PLCB4: variants seen among roughly 807,000 people sequenced by gnomAD.
The protein encoded by PLCB4 is 1-phosphatidylinositol 4,5-bisphosphate phosphodiesterase beta-4.
In PLCB4, 77 loss-of-function variants were observed where a neutral mutation model predicts 178.8. The observed-to-expected ratio is 0.43, with a 90% CI of 0.36 to 0.52. The LOEUF (loss-of-function observed/expected upper bound fraction) is 0.52, where lower values mean the gene tolerates loss of function less well. Among genes scored for constraint, PLCB4 ranks in the 20% least tolerant of loss-of-function variants. The pLI is 0.00. For missense variants in PLCB4, 1,024 were observed against 1,453.4 expected (o/e 0.70, Z 4.80); for synonymous variants, 496 against 490.8 (o/e 1.01, Z -0.14).
At chr20:9,297,601 C>G (rs1176191418) in intron 3 of PLCB4, among the ~76,000 whole-genome samples, 1 of 152,120 alleles carries the variant, frequency 6.6e-6, no homozygotes, top group Non-Finnish European at 1.5e-5. Flanking sequence ...TTACTAAGCA[C>G]TTAAGAACAT....
intron 3 of PLCB4, among the ~76,000 whole-genome samples, chr20:9,263,049 T>C (rs2094313729): frequency 6.6e-6 from 1 of 152,192 alleles, no homozygotes; most frequent in Non-Finnish European, 1.5e-5. Context: ...GTGACTGTCC[T>C]AGATATTTAC....
intron 19 of PLCB4, among the ~76,000 whole-genome samples, chr20:9,400,349 G>A (rs754223585): frequency 1.3e-4 from 20 of 152,122 alleles, no homozygotes; most frequent in South Asian, 2.1e-4. Context: ...GGAAAAAACC[G>A]TCAGTTGAAG....
chr20:9,289,379 T>C (rs1168804573), intron 3 of PLCB4, among the ~76,000 whole-genome samples: 3 of 152,036 alleles, frequency 2.0e-5, no homozygotes, highest in Admixed American at 6.6e-5. Flanking sequence ...AAAGACACAG[T>C]GATCTATTTA....
intron 2 of PLCB4, among the ~76,000 whole-genome samples, chr20:9,199,722 TG>T (rs1383647192): frequency 1.3e-5 from 2 of 152,194 alleles, no homozygotes; most frequent in African/African-American, 4.8e-5. Context: ...CTGAGAGAAA[TG>T]AACAAAAATT....
intron 25 of PLCB4, among the ~76,000 whole-genome samples, chr20:9,418,676 T>G (rs2040419793): frequency 1.3e-5 from 2 of 152,148 alleles, no homozygotes; most frequent in Admixed American, 1.3e-4. Context: ...TATATGAATT[T>G]TAGGATTAGC....
At chr20:9,089,360 A>G (rs1201945784) in intron 1 of PLCB4, among the ~76,000 whole-genome samples, 2 of 152,080 alleles carry the variant, frequency 1.3e-5, no homozygotes, top group South Asian at 2.1e-4. Flanking sequence ...AAAATATGTG[A>G]TTATGTAAAA....
chr20:9,116,814 TA>T (rs1200214962), intron 2 of PLCB4, among the ~76,000 whole-genome samples: 2 of 152,184 alleles, frequency 1.3e-5, no homozygotes, highest in Non-Finnish European at 2.9e-5. Context: ...ATATCGAGTC[TA>T]CCCACCTATG....
chr20:9,180,758 T>C (rs1368833682), intron 2 of PLCB4, among the ~76,000 whole-genome samples: 1 of 152,136 alleles, frequency 6.6e-6, no homozygotes, highest in Non-Finnish European at 1.5e-5. Flanking sequence ...CAGGTGCAAA[T>C]TTTGCAAGAA....
intron 2 of PLCB4, among the ~76,000 whole-genome samples, chr20:9,130,985 C>T (rs960613987): frequency 3.9e-5 from 6 of 152,142 alleles, no homozygotes; most frequent in Non-Finnish European, 7.3e-5. Context: ...CTTGCATGTC[C>T]ATGGGCCTCA....
intron 3 of PLCB4, among the ~76,000 whole-genome samples, chr20:9,252,245 A>G (rs998025974): frequency 6.6e-6 from 1 of 152,228 alleles, no homozygotes; most frequent in Admixed American, 6.5e-5. Flanking sequence ...TAGCTATCAT[A>G]TGAGACACTG....
intron 3 of PLCB4, among the ~76,000 whole-genome samples, chr20:9,275,256 C>G (rs565034161): frequency 6.6e-6 from 1 of 151,980 alleles, no homozygotes; most frequent in Non-Finnish European, 1.5e-5. Context: ...GCATAAACCC[C>G]TGATAAACCC....
At chr20:9,355,567 A>T (rs918873714) in intron 7 of PLCB4, among the ~76,000 whole-genome samples, 5 of 151,120 alleles carry the variant, frequency 3.3e-5, no homozygotes, top group Non-Finnish European at 7.4e-5. Context: ...TGTCCTTGTG[A>T]TAGTTTACTG....
chr20:9,411,200 G>C, intron 25 of PLCB4, 112 bp downstream of exon 25: 1 of 715,368 alleles, frequency 1.4e-6, no homozygotes, highest in Non-Finnish European at 2.4e-6. Context: ...CTGGGTTTGA[G>C]GGATGGAATA....
chr20:9,345,242 C>T (rs1166047752), intron 7 of PLCB4, among the ~76,000 whole-genome samples: 2 of 152,182 alleles, frequency 1.3e-5, no homozygotes, highest in African/African-American at 4.8e-5. Flanking sequence ...TTTTTCTAAA[C>T]TGAAATAAAG....
intron 3 of PLCB4, among the ~76,000 whole-genome samples, chr20:9,303,739 A>T (rs558702686): frequency 8.3e-4 from 127 of 152,244 alleles, no homozygotes; most frequent in Middle Eastern, 3.4e-3. Context: ...TTCCTCAAAA[A>T]ACTAAAATTC....
At chr20:9,145,734 T>C (rs1174877938) in intron 2 of PLCB4, among the ~76,000 whole-genome samples, 1 of 152,074 alleles carries the variant, frequency 6.6e-6, no homozygotes, top group Non-Finnish European at 1.5e-5. Context: ...GCCACCTAAA[T>C]TGGAATAGCA....
chr20:9,189,567 C>T (rs2093372862), intron 2 of PLCB4, among the ~76,000 whole-genome samples: 1 of 152,204 alleles, frequency 6.6e-6, no homozygotes, highest in Admixed American at 6.5e-5. Context: ...CCCCGGACTC[C>T]ACCCACTAGA....
At chr20:9,371,044 C>T (rs1003316447) in intron 9 of PLCB4, 170 bp from the exon 10 acceptor site, 1 of 587,162 alleles carries the variant, frequency 1.7e-6, no homozygotes, top group African/African-American at 1.9e-5. Flanking sequence ...ACCAGAGGGA[C>T]ACTGGAGGAA....
intron 2 of PLCB4, among the ~76,000 whole-genome samples, chr20:9,111,198 T>C (rs1159559451): frequency 6.6e-6 from 1 of 152,176 alleles, no homozygotes; most frequent in Non-Finnish European, 1.5e-5. Flanking sequence ...GGAAGGTACA[T>C]TGGGCAAAGC....
Sources: gnomAD v4.1 joint callset for allele counts (sites outside exome capture counted in the v4.1 genomes callset) on GRCh38, gnomAD v4.1.1 for gene constraint, MANE v1.5 for transcripts, NCBI Gene and HGNC (gene_info 2026-07-23, HGNC 2026-07-21) for gene names.